The following AVEN variants were observed in gnomAD, a reference collection of about 807,000 sequenced individuals.
AVEN encodes the protein cell death regulator Aven.
A neutral mutation model predicts 38.1 loss-of-function variants in AVEN; 41 were observed. The ratio of observed to expected loss-of-function variants is 1.08; its 90% CI spans 0.84 to 1.40. The LOEUF is 1.40. Ranked by LOEUF, AVEN falls within the 40% of genes most tolerant of loss-of-function variation. AVEN has a pLI of 0.00. For missense variants in AVEN, 605 were observed against 438.8 expected (o/e 1.38, Z -3.38); for synonymous variants, 206 against 171.8 (o/e 1.20, Z -1.56).
intron 11 of AVEN, chr15:33,859,823 C>G: frequency 1.5e-6 from 2 of 1,298,344 alleles, no homozygotes; most frequent in Non-Finnish European, 2.1e-6. Flanking sequence ...TATGAAGAAG[C>G]GTGTGAATTC....
intron 2 of AVEN, among the ~76,000 whole-genome samples, chr15:33,944,828 A>G (rs1894451245): frequency 6.6e-6 from 1 of 151,778 alleles, no homozygotes; most frequent in Non-Finnish European, 1.5e-5. Flanking sequence ...AAAACCCACC[A>G]AAAGTTCTTT....
intron 2 of AVEN, among the ~76,000 whole-genome samples, chr15:33,999,371 T>G (rs548803832): frequency 2.0e-4 from 31 of 152,348 alleles, no homozygotes; most frequent in Admixed American, 1.8e-3. Flanking sequence ...TTCATTAGAC[T>G]CTACACATAC....
chr15:33,914,151 T>C (rs1893026065), intron 2 of AVEN, among the ~76,000 whole-genome samples: 1 of 95,362 alleles, frequency 1.0e-5, no homozygotes, highest in African/African-American at 3.6e-5. Context: ...AATGTATAAA[T>C]TTAATATAAC....
intron 4 of AVEN, chr15:34,064,026 G>C (rs756372866): frequency 6.2e-7 from 1 of 1,614,182 alleles, no homozygotes; most frequent in East Asian, 2.2e-5. Context: ...CCTAGTCAAA[G>C]AGAGGAAAGC....
chr15:33,888,911 C>T (rs1891821811), intron 2 of AVEN, among the ~76,000 whole-genome samples: 1 of 151,970 alleles, frequency 6.6e-6, no homozygotes, highest in Non-Finnish European at 1.5e-5. Context: ...GCCACCACGC[C>T]CAGCTAAAGT....
chr15:34,036,497 A>C (rs1028854117), intron 1 of AVEN, among the ~76,000 whole-genome samples: 1 of 152,134 alleles, frequency 6.6e-6, no homozygotes, highest in Non-Finnish European at 1.5e-5. Flanking sequence ...ATGGGATATG[A>C]GAACAAGAAG....
Position 33,867,785 on chromosome 15 carries a change from T to C in AVEN, c.683A>G (p.Gln228Arg), listed in dbSNP as rs2241647. 0.033 allele frequency: 52,857 copies of C among 1,614,006 alleles called. 2,759 individuals carry two copies. Among genetic ancestry groups the C allele is most frequent in the East Asian group, 0.26 (11,826 of 44,862 alleles). ...TCCAGGCCCCAAGGGCCCCTTTAAC[T>C]GCATCCCTAATCCCTTGCCATCATC... ...RTDDGKGLGM[Q>R]LKGPLGPGGR... Residue 228 changes from glutamine (Q) to arginine (R), a missense_variant, in exon 5 of 6, where the codon CAG (glutamine) becomes CGG (arginine). Physicochemically the swap from Gln to Arg is conservative, Grantham distance 43. Transcript: ENST00000306730.
At chr15:33,873,919 G>A (rs988020281) in intron 3 of AVEN, among the ~76,000 whole-genome samples, 1 of 151,892 alleles carries the variant, frequency 6.6e-6, no homozygotes, top group Non-Finnish European at 1.5e-5. Context: ...TTGTCTATGA[G>A]TAACCCCTGT....
At chr15:33,948,058 C>T (rs1267615023) in intron 2 of AVEN, among the ~76,000 whole-genome samples, 1 of 151,764 alleles carries the variant, frequency 6.6e-6, no homozygotes, top group Non-Finnish European at 1.5e-5. Flanking sequence ...TGAAAACATC[C>T]AACATATTTA....
intron 4 of AVEN, among the ~76,000 whole-genome samples, chr15:33,869,901 G>A (rs1435250278): frequency 1.3e-5 from 2 of 150,210 alleles, no homozygotes; most frequent in African/African-American, 4.9e-5. Context: ...CCCTCTCTTA[G>A]TTCATCAATT....
At chr15:33,896,714 A>T (rs148423031) in intron 2 of AVEN, among the ~76,000 whole-genome samples, 2 of 152,174 alleles carry the variant, frequency 1.3e-5, no homozygotes, top group African/African-American at 4.8e-5. Flanking sequence ...CCTGGAGCCT[A>T]ATCATTCATC....
At chr15:33,854,713 T>C, downstream of AVEN, 1 of 1,552,824 alleles carries the variant, frequency 6.4e-7, no homozygotes, top group Non-Finnish European at 8.7e-7. Flanking sequence ...TGTTTTATAA[T>C]GAGCACACTA....
intron 2 of AVEN, among the ~76,000 whole-genome samples, chr15:33,999,244 G>A (rs532388813): frequency 2.0e-5 from 3 of 152,314 alleles, no homozygotes; most frequent in Non-Finnish European, 2.9e-5. Context: ...TCCCCTCACC[G>A]AAGGTGATTC....
intron 5 of AVEN, among the ~76,000 whole-genome samples, chr15:34,050,917 C>T (rs1899906330): frequency 3.3e-5 from 5 of 152,096 alleles, no homozygotes; most frequent in Admixed American, 3.3e-4. Flanking sequence ...CTTTAACACC[C>T]CACCGACTAT....
chr15:33,943,715 C>G lies in AVEN; in HGVS notation c.445+59317G>C, dbSNP rs115276579. ...TGGCGCACGCCTATAATCCCAGCTA[C>G]TTGGGAAGCTGCGGCAGAAGAGTCA... On this transcript the variant is annotated intron_variant, in intron 2 of 5. Transcript: ENST00000306730. Among the ~76,000 whole-genome samples the G allele has an allele frequency of 2.0e-3, 298 of 150,686 alleles. 2 individuals are homozygous for G. Among genetic ancestry groups the G allele is most frequent in the African/African-American group, 6.9e-3 (285 of 41,026 alleles).
chr15:33,990,447 TGA>T (rs1896673531), intron 2 of AVEN, among the ~76,000 whole-genome samples: 1 of 152,120 alleles, frequency 6.6e-6, no homozygotes, highest in Admixed American at 6.6e-5. Context: ...GTTGTCTAAC[TGA>T]AGAGTAACTG....
rs1043705065 is a variant in AVEN, at chr15:33,911,333, G to A, written c.446-35338C>T. ...CAAAGGAGAAAGATATCCAGAGCAC[G>A]CACAACAAAATCAAGGGCATCACTA... On this transcript the variant is annotated intron_variant, in intron 2 of 5. Transcript: ENST00000306730. Among the ~76,000 whole-genome samples the A allele has an allele frequency of 6.6e-5, 10 of 152,132 alleles. No individual in the cohort carries two copies. In the East Asian group the frequency reaches 1.9e-3, roughly 29 times the overall value.
Position 34,003,074 on chromosome 15 carries a change from A to T in AVEN, c.403T>A (p.Ser135Thr). Residue 135 changes from serine to threonine, a missense_variant, in exon 2 of 6, where the codon TCA (serine) becomes ACA (threonine). By Grantham distance (58) the Ser-to-Thr change is moderately conservative. Coordinates refer to ENST00000306730, the MANE Select transcript of AVEN (RefSeq NM_020371.3). ...EKEVNNESGE[S>T]QRGTDFSVLL... ...ACACTGAAATCTGTTCCCCTCTGTGACTCTCCACTTTCATTATTGACCTCT... is the reference window on the plus strand; with the variant it reads ...ACACTGAAATCTGTTCCCCTCTGTGTCTCTCCACTTTCATTATTGACCTCT... The T allele has an allele frequency of 6.2e-7, 1 of 1,613,922 alleles. No individual in the cohort carries two copies. The highest frequency in any genetic ancestry group is 1.1e-5 in the South Asian group (1 of 91,052).
intron 2 of AVEN, among the ~76,000 whole-genome samples, chr15:33,939,831 C>A (rs556390158): frequency 4.6e-5 from 7 of 152,260 alleles, no homozygotes; most frequent in African/African-American, 1.7e-4. Flanking sequence ...TAGAAGAAGT[C>A]ATGAGGGAGA....
Sources: gnomAD v4.1 joint callset for allele counts (sites outside exome capture counted in the v4.1 genomes callset) on GRCh38, gnomAD v4.1.1 for gene constraint, MANE v1.5 for transcripts, NCBI Gene and HGNC (gene_info 2026-07-23, HGNC 2026-07-21) for gene names.